Variants in HEG1 observed in about 807,000 individuals in gnomAD.
The protein encoded by HEG1 is protein HEG homolog 1.
In HEG1, 56 loss-of-function variants were observed where a neutral mutation model predicts 125.6. The ratio of observed to expected loss-of-function variants is 0.45; its 90% CI spans 0.36 to 0.56. The LOEUF is 0.56. HEG1 is among the 20% of genes least tolerant of loss of function. The pLI is 0.00. For synonymous variants in HEG1, 644 were observed against 668.5 expected (o/e 0.96, Z 0.57); for missense variants, 1,523 against 1,670.0 (o/e 0.91, Z 1.53).
chr3:124,979,009 G>A (rs908492218), intron 14 of HEG1, among the ~76,000 whole-genome samples: 3 of 150,870 alleles, frequency 2.0e-5, no homozygotes, highest in Non-Finnish European at 4.4e-5. Context: ...GGAGTGCAAT[G>A]GTGCGATCCC....
At chr3:124,977,393 T>C in intron 15 of HEG1, among the ~76,000 whole-genome samples, 1 of 152,306 alleles carries the variant, frequency 6.6e-6, no homozygotes, top group East Asian at 1.9e-4. Context: ...TTTGAAGAAA[T>C]GTCTATTCAA....
chr3:125,026,562 T>A (rs936628191), intron 3 of HEG1, among the ~76,000 whole-genome samples: 2 of 152,084 alleles, frequency 1.3e-5, no homozygotes, highest in Non-Finnish European at 2.9e-5. Flanking sequence ...TTCAAAATGA[T>A]GCCTAGAAAA....
At chr3:125,001,814 T>C (rs1198236433) in intron 11 of HEG1, 38 bp downstream of exon 11, 2 of 1,597,306 alleles carry the variant, frequency 1.3e-6, no homozygotes, top group South Asian at 2.3e-5. Flanking sequence ...TGTGCCTAAC[T>C]ATATGGGTAG....
intron 9 of HEG1, among the ~76,000 whole-genome samples, chr3:125,002,975 G>T (rs2107696676): frequency 6.6e-6 from 1 of 152,298 alleles, no homozygotes; most frequent in South Asian, 2.1e-4. Context: ...CCGGAGTGGA[G>T]GGTCTCAGTA....
rs958459736 is a variant in HEG1, at chr3:124,970,584, G to A, written c.*68C>T. The A allele has an allele frequency of 7.0e-7, 1 of 1,428,702 alleles. No individual in the cohort carries two copies. Among genetic ancestry groups the A allele is most frequent in the Non-Finnish European group, 9.6e-7 (1 of 1,045,352 alleles). The allele number at this position is 1,428,702 out of a possible 1,614,324, so 88.5% of individuals were successfully genotyped here. On this transcript the variant is annotated 3_prime_UTR_variant, in exon 17 of 17. Coordinates refer to ENST00000311127, the MANE Select transcript of HEG1 (RefSeq NM_020733.2). ...CGACAAATCCTGGGCGCAGCCTCCT[G>A]GTGCGGTCCTCTGAGCAGAGGTCCC...
chr3:125,014,652 T>G, intron 5 of HEG1: 15 of 1,179,414 alleles, frequency 1.3e-5, no homozygotes, highest in Non-Finnish European at 1.5e-5. Context: ...CCCAGGACGG[T>G]GAGTAAATTA....
intron 16 of HEG1, among the ~76,000 whole-genome samples, chr3:124,971,444 CTTTT>C (rs1579390655): frequency 7.7e-6 from 1 of 129,436 alleles, no homozygotes; most frequent in East Asian, 2.5e-4. Flanking sequence ...CCCTTTCTTT[CTTTT>C]TCTTTTTTTA....
At chr3:125,051,286 A>T (rs999196597) in intron 1 of HEG1, among the ~76,000 whole-genome samples, 1 of 152,182 alleles carries the variant, frequency 6.6e-6, no homozygotes, top group African/African-American at 2.4e-5. Flanking sequence ...TCCCCACGCC[A>T]ATGCTGGCCC....
chr3:124,971,201 A>G (rs2107684950), intron 16 of HEG1: 1 of 456,812 alleles, frequency 2.2e-6, no homozygotes, highest in South Asian at 1.6e-5. Flanking sequence ...CAACAAAGGT[A>G]AATTATTTCT....
intron 1 of HEG1, among the ~76,000 whole-genome samples, chr3:125,053,808 C>G (rs1191266273): frequency 6.6e-6 from 1 of 152,198 alleles, no homozygotes; most frequent in East Asian, 1.9e-4. Context: ...CCAATTCTTA[C>G]CAGCTGAGTC....
intron 9 of HEG1, among the ~76,000 whole-genome samples, chr3:125,003,130 TG>T (rs1261112214): frequency 6.6e-6 from 1 of 152,218 alleles, no homozygotes; most frequent in African/African-American, 2.4e-5. Flanking sequence ...TTATTATTGT[TG>T]TTTTATTATT....
At chr3:125,004,713 C>CT (rs560178665) in intron 9 of HEG1, among the ~76,000 whole-genome samples, 254 of 143,706 alleles carry the variant, frequency 1.8e-3, no homozygotes, top group Non-Finnish European at 3.4e-3. Context: ...TGGCATTTTT[C>CT]TTTAAAAAAA....
At chr3:125,020,042 T>G (rs970528177) in intron 4 of HEG1, among the ~76,000 whole-genome samples, 1 of 152,214 alleles carries the variant, frequency 6.6e-6, no homozygotes, top group African/African-American at 2.4e-5. Flanking sequence ...ATTATAAGGA[T>G]TAAGCCAAAC....
chr3:125,040,445 A>G (rs1039742946), intron 1 of HEG1, among the ~76,000 whole-genome samples: 2 of 152,192 alleles, frequency 1.3e-5, no homozygotes, highest in African/African-American at 4.8e-5. Flanking sequence ...TGGTAGAAGA[A>G]AGATGAAGGT....
At chr3:125,011,739 G>A (rs1937159519) in intron 6 of HEG1, among the ~76,000 whole-genome samples, 1 of 152,168 alleles carries the variant, frequency 6.6e-6, no homozygotes, top group Admixed American at 6.5e-5. Context: ...CCACTACAAA[G>A]CATCATCTCT....
At chr3:125,052,165 C>G (rs563074138) in intron 1 of HEG1, among the ~76,000 whole-genome samples, 11 of 150,132 alleles carry the variant, frequency 7.3e-5, no homozygotes, top group African/African-American at 2.7e-4. Context: ...GGGACACCCT[C>G]CATCAAAGCA....
intron 1 of HEG1, among the ~76,000 whole-genome samples, chr3:125,040,458 TA>T (rs1470699760): frequency 6.6e-6 from 1 of 152,080 alleles, no homozygotes; most frequent in Non-Finnish European, 1.5e-5. Context: ...ATGAAGGTCA[TA>T]TTGCTCAAAA....
intron 16 of HEG1, 138 bp downstream of exon 16, chr3:124,973,593 G>T: frequency 1.6e-6 from 1 of 611,236 alleles, no homozygotes. Flanking sequence ...TAGGTAAACT[G>T]ACTAGTAAAT....
At position 124,978,618 on chromosome 3, in the gene HEG1, A is replaced by T. The variant is rs112083953; in HGVS notation, c.3734-672T>A. 1.3e-3 allele frequency among the ~76,000 whole-genome samples: 192 copies of T among 152,208 alleles called. 1 individual carries two copies. The highest frequency in any genetic ancestry group is 4.5e-3 in the African/African-American group (186 of 41,532). Reference sequence around the variant, plus strand: ...TCTTTGATAACTGTTCTATAATCTAAGATTTTTGTCCTTTCTACTTTTCTC... The same window carrying T: ...TCTTTGATAACTGTTCTATAATCTATGATTTTTGTCCTTTCTACTTTTCTC... On this transcript the variant is annotated intron_variant, in intron 14 of 16. Coordinates refer to ENST00000311127, the MANE Select transcript of HEG1 (RefSeq NM_020733.2).
Sources: allele counts gnomAD v4.1 joint callset (sites outside exome capture counted in the v4.1 genomes callset), GRCh38; gene constraint gnomAD v4.1.1; transcripts MANE v1.5; gene names NCBI Gene and HGNC (gene_info 2026-07-23, HGNC 2026-07-21).